The following PLCB4 variants were observed in gnomAD, a reference collection of about 807,000 sequenced individuals.
PLCB4 encodes the protein 1-phosphatidylinositol 4,5-bisphosphate phosphodiesterase beta-4.
A neutral mutation model predicts 178.8 loss-of-function variants in PLCB4; 77 were observed. That is an observed-to-expected ratio of 0.43 (90% CI 0.36 to 0.52). PLCB4 has a LOEUF of 0.52. PLCB4 is among the 20% of genes least tolerant of loss of function. The pLI, the probability that PLCB4 is intolerant of heterozygous loss-of-function variation, is 0.00. For missense variants in PLCB4, 1,024 were observed against 1,453.4 expected, an observed-to-expected ratio of 0.70 and a Z score of 4.80; for synonymous variants, 496 against 490.8, an observed-to-expected ratio of 1.01 and a Z score of -0.14.
chr20:9,371,899 G>A (rs34360243), intron 10 of PLCB4, among the ~76,000 whole-genome samples: 9,722 of 152,178 alleles, frequency 0.064, 351 homozygotes, highest in African/African-American at 0.087. Flanking sequence ...CCCTAAGCCC[G>A]TTCACATGGT....
intron 4 of PLCB4, among the ~76,000 whole-genome samples, chr20:9,329,314 C>T (rs537830039): frequency 2.0e-5 from 3 of 152,190 alleles, no homozygotes; most frequent in Admixed American, 1.3e-4. Context: ...GAAGCCTTGC[C>T]GAAGACTCCT....
At chr20:9,189,362 ACT>A in intron 2 of PLCB4, among the ~76,000 whole-genome samples, 1 of 83,638 alleles carries the variant, frequency 1.2e-5, no homozygotes, top group African/African-American at 5.7e-5. Context: ...GGGTTGGTTA[ACT>A]GTTCATTGTG....
chr20:9,378,265 A>C (rs1462206490), intron 12 of PLCB4, among the ~76,000 whole-genome samples: 1 of 152,158 alleles, frequency 6.6e-6, no homozygotes, highest in African/African-American at 2.4e-5. Context: ...TTTAAATTTA[A>C]AAAACTTAAT....
chr20:9,386,748 T>C lies in PLCB4; in HGVS notation c.1065-715T>C, dbSNP rs1475249476. ...TATGTATACATGCGCCATGTTGGTG[T>C]CCTGCACCCATTAACTCGTCATTTA... On this transcript the variant is annotated intron_variant, in intron 14 of 39. Coordinates refer to ENST00000378473, the MANE Select transcript of PLCB4 (RefSeq NM_001377142.1). 2.6e-5 allele frequency among the ~76,000 whole-genome samples: 4 copies of C among 151,906 alleles called. No homozygotes were observed. In the East Asian group the frequency reaches 7.7e-4, roughly 29 times the overall value.
chr20:9,204,628 G>T (rs1023563357), intron 2 of PLCB4, among the ~76,000 whole-genome samples: 1 of 152,068 alleles, frequency 6.6e-6, no homozygotes, highest in Non-Finnish European at 1.5e-5. Context: ...CTCCCAAAGT[G>T]CTGGGATTAC....
chr20:9,307,520 C>T lies in PLCB4; in HGVS notation c.-15-280C>T, dbSNP rs1011954186. Among the ~76,000 whole-genome samples, 177 of 150,984 alleles carry T rather than the reference C, an allele frequency of 1.2e-3. 4 individuals are homozygous for T. The highest frequency in any genetic ancestry group is 1.7e-3 in the South Asian group (8 of 4,716). ...ACACACACACACACACACACACACA[C>T]ACACACACACACACACACACACACA... is the stretch of plus-strand genomic sequence containing the variant. On this transcript the variant is annotated intron_variant, in intron 3 of 39. Transcript: ENST00000378473.
At chr20:9,466,872 G>T (rs532639269) in intron 35 of PLCB4, among the ~76,000 whole-genome samples, 1 of 152,150 alleles carries the variant, frequency 6.6e-6, no homozygotes, top group Non-Finnish European at 1.5e-5. Flanking sequence ...ACAGTGTGGC[G>T]ATTCCTCAAG....
intron 7 of PLCB4, among the ~76,000 whole-genome samples, chr20:9,343,484 G>A (rs2033463001): frequency 6.6e-6 from 1 of 152,080 alleles, no homozygotes; most frequent in South Asian, 2.1e-4. Context: ...GTTTCTCAGG[G>A]TTGAATTTTA....
intron 1 of PLCB4, among the ~76,000 whole-genome samples, chr20:9,091,012 A>G (rs1253726397): frequency 6.6e-6 from 1 of 152,148 alleles, no homozygotes; most frequent in Non-Finnish European, 1.5e-5. Flanking sequence ...GATATGTTGT[A>G]TTCATAGACA....
intron 1 of PLCB4, among the ~76,000 whole-genome samples, chr20:9,076,854 A>G (rs976079419): frequency 2.6e-5 from 4 of 152,262 alleles, no homozygotes; most frequent in African/African-American, 9.6e-5. Context: ...GTTTTTTAAA[A>G]TGATGTAAGT....
chr20:9,272,196 A>G (rs2094410257), intron 3 of PLCB4, among the ~76,000 whole-genome samples: 1 of 151,914 alleles, frequency 6.6e-6, no homozygotes, highest in Non-Finnish European at 1.5e-5. Flanking sequence ...CCTCAAAAAA[A>G]AAAAGAGAGA....
rs2147842810 is a variant in PLCB4 at position 9,303,059 on chromosome 20, T to C, written c.-15-4741T>C. On this transcript the variant is annotated intron_variant, in intron 3 of 39. Transcript: ENST00000378473. ...ACTGGGATGGCCACCATGTTGTTTT[T>C]TAATCTATTTTTCAAGCTAACACTT... 2.6e-5 allele frequency among the ~76,000 whole-genome samples: 4 copies of C among 152,194 alleles called. 1 individual carries two copies. In the South Asian group the frequency reaches 8.3e-4, roughly 32 times the overall value.
intron 19 of PLCB4, among the ~76,000 whole-genome samples, chr20:9,398,712 ATTT>A (rs869300908): frequency 2.1e-5 from 3 of 141,866 alleles, no homozygotes; most frequent in Non-Finnish European, 4.6e-5. Flanking sequence ...TATTATTATT[ATTT>A]TTGAGATGGA....
chr20:9,204,522 G>A (rs2093592231), intron 2 of PLCB4, among the ~76,000 whole-genome samples: 3 of 151,950 alleles, frequency 2.0e-5, no homozygotes, highest in African/African-American at 7.3e-5. Flanking sequence ...ACCATGCCTG[G>A]CTATTTTTTT....
chr20:9,216,478 A>G (rs1450059883), intron 2 of PLCB4, among the ~76,000 whole-genome samples: 2 of 151,130 alleles, frequency 1.3e-5, no homozygotes, highest in Admixed American at 6.6e-5. Context: ...CGGCCTCCCA[A>G]AGTGCTGGGA....
In PLCB4 at chr20:9,293,786, G is replaced by C. The variant is rs775977391; in HGVS notation, c.-15-14014G>C. 7.2e-5 allele frequency among the ~76,000 whole-genome samples: 11 copies of C among 152,278 alleles called. No individual in the cohort carries two copies. In the East Asian group the frequency reaches 1.7e-3, roughly 24 times the overall value. ...GGTGGTGAGTTCTTCAAAGGGGGAA[G>C]CACAAGGTGCTTAAATGAAAATACA... On this transcript the variant is annotated intron_variant, in intron 3 of 39. Coordinates refer to ENST00000378473, the MANE Select transcript of PLCB4 (RefSeq NM_001377142.1).
chr20:9,337,285 CTG>C, intron 5 of PLCB4, 79 bp downstream of exon 5: 1 of 943,408 alleles, frequency 1.1e-6, no homozygotes, highest in Non-Finnish European at 1.8e-6. Flanking sequence ...AGACTGAGTG[CTG>C]TTGATGAACC....
At chr20:9,152,693 G>C (rs2092711310) in intron 2 of PLCB4, among the ~76,000 whole-genome samples, 1 of 152,190 alleles carries the variant, frequency 6.6e-6, no homozygotes, top group South Asian at 2.1e-4. Context: ...TGGGGTCAGA[G>C]TCCTCACACA....
At chr20:9,249,686 G>A (rs2147474050) in intron 3 of PLCB4, among the ~76,000 whole-genome samples, 1 of 152,184 alleles carries the variant, frequency 6.6e-6, no homozygotes, top group East Asian at 1.9e-4. Context: ...GGAAATGGCT[G>A]TCTTTAGGGA....
Sources: gnomAD v4.1 joint callset for allele counts (sites outside exome capture counted in the v4.1 genomes callset) on GRCh38, gnomAD v4.1.1 for gene constraint, MANE v1.5 for transcripts, NCBI Gene and HGNC (gene_info 2026-07-23, HGNC 2026-07-21) for gene names.